Variants in GPC5 observed in about 807,000 individuals in gnomAD.
The protein encoded by GPC5 is glypican 5.
Under a neutral mutation model 53.9 loss-of-function variants are expected in GPC5, and 47 were observed. The observed-to-expected ratio is 0.87, with a 90% CI of 0.69 to 1.11. GPC5 has a LOEUF of 1.11. Among genes scored for constraint, GPC5 ranks in the 50% most tolerant of loss-of-function variants. The pLI, the probability that GPC5 is intolerant of heterozygous loss-of-function variation, is 0.00. For synonymous variants in GPC5, 286 were observed against 263.3 expected (o/e 1.09, Z -0.84); for missense variants, 748 against 713.1 (o/e 1.05, Z -0.56).
chr13:92,442,322 T>C lies in GPC5; in HGVS notation c.1561+297333T>C, dbSNP rs149282355. 5.6e-3 allele frequency among the ~76,000 whole-genome samples: 860 copies of C among 152,238 alleles called. 5 individuals are homozygous for C. The highest frequency in any genetic ancestry group is 9.8e-3 in the Non-Finnish European group (669 of 67,990). ...ACATAACATATACAGGTAGACATCC[T>C]AGGATTAGGAAATGGGAAACTTGAG... On this transcript the variant is annotated intron_variant, in intron 7 of 7. Transcript: ENST00000377067.
chr13:92,215,323 G>A (rs1314902475), intron 7 of GPC5, among the ~76,000 whole-genome samples: 1 of 152,070 alleles, frequency 6.6e-6, no homozygotes, highest in Non-Finnish European at 1.5e-5. Flanking sequence ...GCTCGAACAA[G>A]TTTATTTCCA....
intron 2 of GPC5, among the ~76,000 whole-genome samples, chr13:91,568,159 T>C (rs1393296415): frequency 6.6e-6 from 1 of 152,206 alleles, no homozygotes; most frequent in Non-Finnish European, 1.5e-5. Flanking sequence ...GTTTATAAAT[T>C]ACCCAGCCTC....
chr13:92,203,492 T>A, intron 7 of GPC5, among the ~76,000 whole-genome samples: 1 of 79,662 alleles, frequency 1.3e-5, no homozygotes. Context: ...TGTGGTGGGG[T>A]CGGGGGAGGG....
At chr13:92,824,447 CT>C (rs1272804352) in intron 7 of GPC5, among the ~76,000 whole-genome samples, 1 of 152,098 alleles carries the variant, frequency 6.6e-6, no homozygotes, top group Admixed American at 6.6e-5. Context: ...CATTTCCCTT[CT>C]CTTGCTTGCT....
chr13:91,791,961 G>T (rs570813924), intron 5 of GPC5, among the ~76,000 whole-genome samples: 1 of 152,268 alleles, frequency 6.6e-6, no homozygotes, highest in African/African-American at 2.4e-5. Context: ...ATAGTACTTG[G>T]TTTTTATAAT....
intron 2 of GPC5, among the ~76,000 whole-genome samples, chr13:91,502,551 G>A (rs536061825): frequency 3.0e-4 from 45 of 152,154 alleles, no homozygotes; most frequent in African/African-American, 1.1e-3. Context: ...TTCCAACCTG[G>A]CAGGGCAGGG....
At chr13:92,267,182 T>G (rs16947202) in intron 7 of GPC5, among the ~76,000 whole-genome samples, 7,122 of 152,214 alleles carry the variant, frequency 0.047, 182 homozygotes, top group East Asian at 0.066. Context: ...TACGTTCTTT[T>G]TTAATATAAT....
intron 2 of GPC5, among the ~76,000 whole-genome samples, chr13:91,503,828 T>C (rs2139306149): frequency 7.1e-6 from 1 of 141,690 alleles, no homozygotes; most frequent in East Asian, 2.1e-4. Flanking sequence ...ATCAGGCTGT[T>C]GTGGCACATT....
At position 92,861,664 on chromosome 13, in the gene GPC5, C is replaced by T. The variant is rs181099544; in HGVS notation, c.1562-4618C>T. On this transcript the variant is annotated intron_variant, in intron 7 of 7. Transcript: ENST00000377067. ...TTTTCTCCATTTTTCTGTGTGTATCCTCAATTTTGTTGTGGTGTTTTTTGT... is the reference window on the plus strand; with the variant it reads ...TTTTCTCCATTTTTCTGTGTGTATCTTCAATTTTGTTGTGGTGTTTTTTGT... Among the ~76,000 whole-genome samples, 11 of 152,158 alleles carry T rather than the reference C, an allele frequency of 7.2e-5. No homozygotes were observed. In the East Asian group the frequency reaches 2.1e-3, roughly 29 times the overall value.
intron 6 of GPC5, among the ~76,000 whole-genome samples, chr13:92,135,189 C>T (rs2041773998): frequency 6.6e-6 from 1 of 152,086 alleles, no homozygotes; most frequent in South Asian, 2.1e-4. Flanking sequence ...AAAGCTCTGA[C>T]ATTAACTCTG....
In GPC5 at chr13:92,632,463, C is replaced by CATATATATATATATAT. The variant is rs34336057; in HGVS notation, c.1562-233811_1562-233796dup. On this transcript the variant is annotated intron_variant, in intron 7 of 7. Transcript: ENST00000377067. ...TTCTTTTGGAGGAGAAAATATTCCA[C>CATATATATATATATAT]ATATATATATATATATATATATACA... Among the ~76,000 whole-genome samples the CATATATATATATATAT allele has an allele frequency of 1.6e-3, 187 of 120,048 alleles. 3 individuals are homozygous for CATATATATATATATAT. The highest frequency in any genetic ancestry group is 0.014 in the East Asian group (55 of 3,820). 78.8% of individuals were successfully genotyped at this position (120,048 alleles called of 152,430 possible). A position where few individuals can be genotyped will look rare whatever the true frequency, so the allele number is the denominator to read the frequency against.
At chr13:92,749,819 T>C (rs146145291) in intron 7 of GPC5, among the ~76,000 whole-genome samples, 114 of 152,302 alleles carry the variant, frequency 7.5e-4, no homozygotes, top group Non-Finnish European at 1.1e-3. Flanking sequence ...AAAAGACTTA[T>C]TCAGAGAATG....
chr13:92,504,557 G>T (rs1880299340), intron 7 of GPC5, among the ~76,000 whole-genome samples: 1 of 151,854 alleles, frequency 6.6e-6, no homozygotes, highest in Non-Finnish European at 1.5e-5. Context: ...TGCGAATAAA[G>T]ACAAAATGGG....
chr13:92,120,578 C>T (rs975679326), intron 6 of GPC5, among the ~76,000 whole-genome samples: 4 of 152,142 alleles, frequency 2.6e-5, no homozygotes, highest in Non-Finnish European at 5.9e-5. Flanking sequence ...AAAAGAAACA[C>T]ATTACTCTCC....
intron 6 of GPC5, among the ~76,000 whole-genome samples, chr13:92,042,374 C>A (rs992513987): frequency 1.3e-5 from 2 of 151,996 alleles, no homozygotes; most frequent in Non-Finnish European, 2.9e-5. Flanking sequence ...TACATCCAAC[C>A]GCAAAGGATA....
intron 6 of GPC5, among the ~76,000 whole-genome samples, chr13:92,109,548 T>C (rs531802737): frequency 5.9e-5 from 9 of 152,280 alleles, no homozygotes; most frequent in African/African-American, 2.2e-4. Context: ...AAAATGACTA[T>C]GAAAATTTAG....
intron 7 of GPC5, among the ~76,000 whole-genome samples, chr13:92,249,999 TTATAAA>T (rs112808876): frequency 0.029 from 4,483 of 152,216 alleles, 223 homozygotes; most frequent in African/African-American, 0.1. Flanking sequence ...TATAACTCAG[TTATAAA>T]TATACAGTAA....
At chr13:91,708,337 T>A (rs2036153738) in intron 3 of GPC5, among the ~76,000 whole-genome samples, 1 of 152,128 alleles carries the variant, frequency 6.6e-6, no homozygotes, top group South Asian at 2.1e-4. Flanking sequence ...CGTATGTATA[T>A]GTCGGAGTCC....
At chr13:92,476,566 A>G (rs1284419362) in intron 7 of GPC5, among the ~76,000 whole-genome samples, 1 of 151,000 alleles carries the variant, frequency 6.6e-6, no homozygotes, top group Non-Finnish European at 1.5e-5. Flanking sequence ...AGGATTATAA[A>G]TCATGCTGCT....
Sources: gnomAD v4.1 joint callset for allele counts (sites outside exome capture counted in the v4.1 genomes callset) on GRCh38, gnomAD v4.1.1 for gene constraint, MANE v1.5 for transcripts, NCBI Gene and HGNC (gene_info 2026-07-23, HGNC 2026-07-21) for gene names.